Variants in ANO3 observed in about 807,000 individuals in gnomAD.
ANO3 encodes the protein anoctamin-3.
A neutral mutation model predicts 144.8 loss-of-function variants in ANO3; 99 were observed. The observed-to-expected ratio is 0.68, with a 90% confidence interval of 0.58 to 0.81. ANO3 has a LOEUF of 0.81. Ranked by LOEUF, ANO3 falls within the 30% of genes least tolerant of loss-of-function variation. ANO3 has a pLI of 0.00. For synonymous variants in ANO3, 414 were observed against 392.6 expected (o/e 1.05, Z -0.64); for missense variants, 905 against 1,202.2 (o/e 0.75, Z 3.66).
At chr11:26,349,496 A>G (rs1244578579) in intron 1 of ANO3, among the ~76,000 whole-genome samples, 2 of 152,168 alleles carry the variant, frequency 1.3e-5, no homozygotes, top group Non-Finnish European at 2.9e-5. Context: ...AGAAACTGCT[A>G]CATACTATTA....
chr11:26,487,685 T>C (rs1860511804), intron 4 of ANO3, among the ~76,000 whole-genome samples: 2 of 152,040 alleles, frequency 1.3e-5, no homozygotes, highest in African/African-American at 4.8e-5. Flanking sequence ...CAGATGGAGA[T>C]GAGGAGTTTG....
intron 1 of ANO3, among the ~76,000 whole-genome samples, chr11:26,229,132 A>G (rs1168647526): frequency 2.6e-5 from 4 of 152,072 alleles, no homozygotes; most frequent in African/African-American, 7.2e-5. Context: ...AAGCTCTACT[A>G]TATTGGTAGA....
chr11:26,553,123 C>A, intron 12 of ANO3, 126 bp from the exon 13 acceptor site: 1 of 712,018 alleles, frequency 1.4e-6, no homozygotes, highest in Non-Finnish European at 2.5e-6. Flanking sequence ...CCCACTATTC[C>A]CATTTCTTCT....
At chr11:26,553,132 C>A in intron 12 of ANO3, 117 bp from the exon 13 acceptor site, 1 of 742,928 alleles carries the variant, frequency 1.3e-6, no homozygotes, top group Admixed American at 2.1e-5. Context: ...CCCATTTCTT[C>A]TCCTTTTCCT....
chr11:26,584,637 T>C (rs1851226897), intron 14 of ANO3, among the ~76,000 whole-genome samples: 1 of 152,156 alleles, frequency 6.6e-6, no homozygotes, highest in African/African-American at 2.4e-5. Context: ...ACTTCAAGTG[T>C]AGTAAAAATC....
chr11:26,373,436 G>A (rs950376134), intron 1 of ANO3, among the ~76,000 whole-genome samples: 1 of 152,024 alleles, frequency 6.6e-6, no homozygotes, highest in Non-Finnish European at 1.5e-5. Flanking sequence ...TTTGCCTTCC[G>A]CCATGATTGT....
chr11:26,238,762 G>T (rs1176893597), intron 1 of ANO3, among the ~76,000 whole-genome samples: 1 of 152,108 alleles, frequency 6.6e-6, no homozygotes, highest in East Asian at 1.9e-4. Flanking sequence ...AAGAAAGTGG[G>T]TTGGGAGAAC....
intron 1 of ANO3, among the ~76,000 whole-genome samples, chr11:26,438,090 A>C (rs531943562): frequency 6.6e-6 from 1 of 152,340 alleles, no homozygotes; most frequent in Admixed American, 6.5e-5. Context: ...TTGAAAAAAT[A>C]TTTATACCTC....
chr11:26,477,997 C>T (rs1177840880), intron 4 of ANO3, among the ~76,000 whole-genome samples: 1 of 152,090 alleles, frequency 6.6e-6, no homozygotes, highest in Non-Finnish European at 1.5e-5. Flanking sequence ...AGTAACAATA[C>T]AATCATAAAA....
At chr11:26,255,128 A>C (rs1343172719) in intron 1 of ANO3, among the ~76,000 whole-genome samples, 1 of 152,160 alleles carries the variant, frequency 6.6e-6, no homozygotes, top group African/African-American at 2.4e-5. Context: ...ATCTCTTTCT[A>C]TGTATCTCAG....
intron 17 of ANO3, among the ~76,000 whole-genome samples, chr11:26,608,956 G>A (rs550459338): frequency 6.6e-6 from 1 of 152,292 alleles, no homozygotes; most frequent in Admixed American, 6.5e-5. Context: ...CTGCAGCTGT[G>A]GTGCTGGTCG....
intron 1 of ANO3, among the ~76,000 whole-genome samples, chr11:26,357,327 T>A (rs1386658753): frequency 1.3e-5 from 2 of 152,226 alleles, no homozygotes; most frequent in African/African-American, 4.8e-5. Context: ...GTTTTCTCAA[T>A]TTTCATTCTA....
At chr11:26,220,024 G>A (rs1403384705) in intron 1 of ANO3, among the ~76,000 whole-genome samples, 1 of 152,180 alleles carries the variant, frequency 6.6e-6, no homozygotes, top group African/African-American at 2.4e-5. Flanking sequence ...TCAGGATATT[G>A]CATTCTCAAT....
intron 4 of ANO3, among the ~76,000 whole-genome samples, chr11:26,497,679 T>C (rs1054147277): frequency 1.3e-5 from 2 of 152,052 alleles, no homozygotes; most frequent in African/African-American, 4.8e-5. Flanking sequence ...CTCTTTGCAA[T>C]GAAAACTCTT....
chr11:26,503,198 C>G (rs1590426693), intron 4 of ANO3, among the ~76,000 whole-genome samples: 1 of 152,052 alleles, frequency 6.6e-6, no homozygotes, highest in Admixed American at 6.6e-5. Context: ...TTATTCTGTC[C>G]CCTAGAAACA....
At chr11:26,218,739 T>C (rs1852082695) in intron 1 of ANO3, among the ~76,000 whole-genome samples, 1 of 152,194 alleles carries the variant, frequency 6.6e-6, no homozygotes, top group African/African-American at 2.4e-5. Context: ...AGGTTTTTGG[T>C]TTGTTTTTTG....
chr11:26,627,763 T>G (rs1173774911), intron 18 of ANO3, among the ~76,000 whole-genome samples: 3 of 152,000 alleles, frequency 2.0e-5, no homozygotes, highest in African/African-American at 7.3e-5. Context: ...AATGGCTATA[T>G]TAGTTTAAAT....
intron 1 of ANO3, among the ~76,000 whole-genome samples, chr11:26,274,143 A>C (rs1853508231): frequency 1.3e-5 from 2 of 152,180 alleles, no homozygotes. Flanking sequence ...TCTTTGGTCA[A>C]ACTTGACGTC....
At chr11:26,594,366 T>C (rs1590605130) in intron 14 of ANO3, among the ~76,000 whole-genome samples, 1 of 152,300 alleles carries the variant, frequency 6.6e-6, no homozygotes, top group East Asian at 1.9e-4. Context: ...GCTGCAGCTA[T>C]GGCGGCACTT....
Sources: allele counts gnomAD v4.1 joint callset (sites outside exome capture counted in the v4.1 genomes callset), GRCh38; gene constraint gnomAD v4.1.1; transcripts MANE v1.5; gene names NCBI Gene and HGNC (gene_info 2026-07-23, HGNC 2026-07-21).